Variants in SH3BP5 observed in about 807,000 individuals in gnomAD.
SH3BP5 encodes SH3 domain-binding protein 5.
Under a neutral mutation model 43.3 loss-of-function variants are expected in SH3BP5, and 22 were observed. The observed-to-expected ratio is 0.51, with a 90% confidence interval of 0.36 to 0.73. SH3BP5 has a LOEUF of 0.73. SH3BP5 is among the 30% of genes least tolerant of loss of function. SH3BP5 has a pLI of 0.00. For missense variants in SH3BP5, 529 were observed against 586.9 expected (o/e 0.90, Z 1.02); for synonymous variants, 255 against 225.8 (o/e 1.13, Z -1.16).
chr3:15,317,470 C>T (rs1698212824), intron 2 of SH3BP5, among the ~76,000 whole-genome samples: 1 of 152,130 alleles, frequency 6.6e-6, no homozygotes, highest in Non-Finnish European at 1.5e-5. Flanking sequence ...ACTTTAGAGA[C>T]ACAGGAGATA....
intron 1 of SH3BP5, among the ~76,000 whole-genome samples, chr3:15,330,990 T>C (rs972890728): frequency 6.7e-6 from 1 of 149,508 alleles, no homozygotes; most frequent in African/African-American, 2.5e-5. Flanking sequence ...AAGGGCAGAA[T>C]TCTGGTATTA....
At chr3:15,277,891 G>A (rs1398385863) in intron 3 of SH3BP5, among the ~76,000 whole-genome samples, 3 of 152,202 alleles carry the variant, frequency 2.0e-5, no homozygotes, top group Non-Finnish European at 4.4e-5. Context: ...CATGGATTGG[G>A]AGGAAGGAAT....
intron 2 of SH3BP5, among the ~76,000 whole-genome samples, chr3:15,305,740 T>C (rs111470164): frequency 2.6e-5 from 4 of 152,200 alleles, no homozygotes; most frequent in African/African-American, 9.6e-5. Context: ...GCCGGAGGTC[T>C]GGAATGTGGA....
chr3:15,279,369 C>T (rs762716175), intron 3 of SH3BP5, among the ~76,000 whole-genome samples: 4 of 152,094 alleles, frequency 2.6e-5, no homozygotes, highest in South Asian at 2.1e-4. Context: ...GAGAAAACCA[C>T]GGGCAGTCTT....
upstream of SH3BP5, chr3:15,333,005 G>C (rs1559464031): frequency 1.0e-5 from 8 of 789,060 alleles, 1 homozygote; most frequent in African/African-American, 3.7e-5. Context: ...AATGGCGGAG[G>C]TTCCGTGCAC....
chr3:15,310,009 C>T (rs1698012809), intron 2 of SH3BP5, among the ~76,000 whole-genome samples: 2 of 150,944 alleles, frequency 1.3e-5, no homozygotes, highest in South Asian at 2.1e-4. Context: ...TGAGAGGCCA[C>T]AAACCAAAAT....
intron 1 of SH3BP5, among the ~76,000 whole-genome samples, chr3:15,338,190 A>G (rs996080433): frequency 6.6e-6 from 1 of 151,544 alleles, no homozygotes; most frequent in Non-Finnish European, 1.5e-5. Context: ...AAAAAATACA[A>G]AAACTAGCTA....
At chr3:15,328,393 G>A (rs1042931512) in intron 2 of SH3BP5, among the ~76,000 whole-genome samples, 37 of 150,582 alleles carry the variant, frequency 2.5e-4, no homozygotes, top group African/African-American at 9.0e-4. Flanking sequence ...CATAGTAGGC[G>A]AGCAACTAGA....
At chr3:15,266,622 G>C (rs1002629120) in intron 4 of SH3BP5, among the ~76,000 whole-genome samples, 1 of 152,230 alleles carries the variant, frequency 6.6e-6, no homozygotes, top group African/African-American at 2.4e-5. Flanking sequence ...CTGGAGAGCA[G>C]CAGGGACCCC....
rs138443933 is a variant in SH3BP5 at position 15,289,772 on chromosome 3, G to C, written c.330+14331C>G. 2.0e-5 allele frequency among the ~76,000 whole-genome samples: 3 copies of C among 152,056 alleles called. No individual in the cohort carries two copies. In the South Asian group the frequency reaches 6.2e-4, roughly 32 times the overall value. ...AAGAGGAGCCTACATAAACTAATAC[G>C]GCATCTTACACCTCATGATTTCCTT... On this transcript the variant is annotated intron_variant, in intron 3 of 8. Coordinates refer to ENST00000383791, the MANE Select transcript of SH3BP5 (RefSeq NM_004844.5).
At position 15,256,121 on chromosome 3, in the gene SH3BP5, T is replaced by C. The variant is rs1215040776; in HGVS notation, c.1333A>G (p.Ile445Val). Residue 445 changes from isoleucine (I) to valine (V), a missense_variant, in exon 9 of 9, where the codon ATT (isoleucine) becomes GTT (valine). Around this residue, in one of 3 missense-constraint regions of SH3BP5, gnomAD observed 369 missense variants for 384.3 expected, o/e 0.96. Transcript: ENST00000383791. ...TGCACCATTTTTATGTCAGCAATAA[T>C]TCCATCTCTTCCCTTTGAGCACTGT... ...SLQCSKGRDGIIADIKMVQIG is the reference protein window; with the variant it reads ...SLQCSKGRDGVIADIKMVQIG The C allele has an allele frequency of 1.2e-6, 2 of 1,614,074 alleles. No homozygotes were observed. The highest frequency in any genetic ancestry group is 3.3e-5 in the Admixed American group (2 of 60,010).
chr3:15,268,190 G>A (rs1307685599), intron 4 of SH3BP5, among the ~76,000 whole-genome samples: 3 of 152,216 alleles, frequency 2.0e-5, no homozygotes, highest in Non-Finnish European at 4.4e-5. Context: ...GGAGAGGTGC[G>A]TAAAGTCAAC....
At position 15,326,203 on chromosome 3, in the gene SH3BP5, G is replaced by A. The variant is rs565806004; in HGVS notation, c.201+4301C>T. On this transcript the variant is annotated intron_variant, in intron 2 of 8. Coordinates refer to ENST00000383791, the MANE Select transcript of SH3BP5 (RefSeq NM_004844.5). ...GGGGACCCAGCACTGTTCAAATAAG[G>A]TCAGAGGCAAACCCAGGTTGCAGGA... Among the ~76,000 whole-genome samples the A allele has an allele frequency of 6.6e-5, 10 of 152,252 alleles. 2 individuals are homozygous for A. Among genetic ancestry groups the A allele is most frequent in the Admixed American group, 1.3e-4 (2 of 15,278 alleles).
chr3:15,263,642 A>G (rs1295754065), intron 4 of SH3BP5, among the ~76,000 whole-genome samples: 1 of 152,216 alleles, frequency 6.6e-6, no homozygotes, highest in Non-Finnish European at 1.5e-5. Context: ...CCAATACTCA[A>G]GGGCCCTCAA....
At chr3:15,302,576 A>C (rs1342686985) in intron 3 of SH3BP5, among the ~76,000 whole-genome samples, 1 of 152,168 alleles carries the variant, frequency 6.6e-6, no homozygotes, top group Non-Finnish European at 1.5e-5. Flanking sequence ...CAAAGCAGCA[A>C]GGGGCTCCCT....
At chr3:15,304,573 G>A (rs1697846150) in intron 2 of SH3BP5, among the ~76,000 whole-genome samples, 1 of 152,142 alleles carries the variant, frequency 6.6e-6, no homozygotes, top group South Asian at 2.1e-4. Context: ...CCAGCACTTT[G>A]GGAGGCCGAG....
chr3:15,293,971 G>A lies in SH3BP5; in HGVS notation c.330+10132C>T, dbSNP rs144884235. On this transcript the variant is annotated intron_variant, in intron 3 of 8. Coordinates refer to ENST00000383791, the MANE Select transcript of SH3BP5 (RefSeq NM_004844.5). ...TGTGCACCTGTAGTCTCAGCTACTCGGGAGGCTGAGACAGAAGAATCGCTT... is the reference window on the plus strand; with the variant it reads ...TGTGCACCTGTAGTCTCAGCTACTCAGGAGGCTGAGACAGAAGAATCGCTT... Among the ~76,000 whole-genome samples, 1,083 of 151,572 alleles carry A rather than the reference G, an allele frequency of 7.1e-3. 12 individuals are homozygous for A. Among genetic ancestry groups the A allele is most frequent in the African/African-American group, 0.025 (1,025 of 41,268 alleles).
rs979579050 is a variant in SH3BP5 at position 15,255,525 on chromosome 3, A to T, written c.*561T>A. The T allele has an allele frequency of 6.6e-6, 1 of 152,584 alleles. No individual in the cohort carries two copies. Among genetic ancestry groups the T allele is most frequent in the African/African-American group, 2.4e-5 (1 of 41,364 alleles). 9.5% of individuals were successfully genotyped at this position (152,584 alleles called of 1,614,324 possible). Reference sequence around the variant, plus strand: ...GGTATCCCAGCATACACGCTTTTTTAAAAGCCCCCTCTGAACACCAGAGGT... The same window carrying T: ...GGTATCCCAGCATACACGCTTTTTTTAAAGCCCCCTCTGAACACCAGAGGT... On this transcript the variant is annotated 3_prime_UTR_variant, in exon 9 of 9. Transcript: ENST00000383791.
At chr3:15,329,667 C>T (rs944427858) in intron 2 of SH3BP5, among the ~76,000 whole-genome samples, 6 of 152,194 alleles carry the variant, frequency 3.9e-5, no homozygotes, top group African/African-American at 1.4e-4. Flanking sequence ...CTTCCACTGA[C>T]GTTTGCTATT....
Sources: gnomAD v4.1 joint callset for allele counts (sites outside exome capture counted in the v4.1 genomes callset) on GRCh38, gnomAD v4.1.1 for gene constraint, gnomAD v4.1.1 regional missense constraint, MANE v1.5 for transcripts, NCBI Gene and HGNC (gene_info 2026-07-23, HGNC 2026-07-21) for gene names.